ABCG4: variants seen among roughly 807,000 people sequenced by gnomAD.
The protein encoded by ABCG4 is ATP-binding cassette sub-family G member 4.
ABCG4 carries 35 observed loss-of-function variants against 64.6 expected under a neutral mutation model. The observed-to-expected ratio is 0.54, with a 90% CI of 0.41 to 0.72. ABCG4 has a LOEUF of 0.72. Ranked by LOEUF, ABCG4 falls within the 30% of genes least tolerant of loss-of-function variation. ABCG4 has a pLI of 0.00. For missense variants in ABCG4, 610 were observed against 846.3 expected (o/e 0.72, Z 3.46); for synonymous variants, 326 against 348.2 (o/e 0.94, Z 0.71).
In ABCG4 at chr11:119,158,349, G is replaced by C. The variant is rs1953358372; in HGVS notation, c.1167+17G>C. 1.2e-6 allele frequency: 2 copies of C among 1,612,740 alleles called. No homozygotes were observed. The highest frequency in any genetic ancestry group is 1.7e-6 in the Non-Finnish European group (2 of 1,178,926). On this transcript the variant is annotated intron_variant, in intron 10 of 14. Transcript: ENST00000619701. The surrounding 1 kb of genome is among the most constrained non-coding windows in gnomAD (Gnocchi z 4.5). The stretch of plus-strand genomic sequence containing the variant: ...AGGGACACGGTGAGGCGTCAGGCTG[G>C]GGGAGAGGAGGCTGGCACAGGCCTG...
chr11:119,160,625 C>T lies in ABCG4; in HGVS notation c.1684C>T (p.Leu562=). ...CAGCTTCAAGACCATCCCCACTTAC[C>T]TGCAATGGAGCTCCTATCTCTCCTA... ...FVSFKTIPTY[L]QWSSYLSYVR... The change falls in exon 14 of 15, where the codon CTG becomes TTG. Residue 562 remains leucine (L), a synonymous_variant. Coordinates refer to ENST00000619701, the MANE Select transcript of ABCG4 (RefSeq NM_022169.5). This position sits in a 1 kb window ranked among gnomAD's most constrained non-coding sequence, Gnocchi z 4.6. 1 of 1,613,732 alleles carries T rather than the reference C, an allele frequency of 6.2e-7. No homozygotes were observed. Among genetic ancestry groups the T allele is most frequent in the East Asian group, 2.2e-5 (1 of 44,880 alleles).
chr11:119,150,238 CCT>C lies in ABCG4; in HGVS notation c.238+40_238+41del, dbSNP rs1369115398. The C allele has an allele frequency of 6.3e-7, 1 of 1,597,196 alleles. No individual in the cohort carries two copies. Among genetic ancestry groups the C allele is most frequent in the Non-Finnish European group, 8.6e-7 (1 of 1,169,104 alleles). On this transcript the variant is annotated intron_variant, in intron 2 of 14. Coordinates refer to ENST00000619701, the MANE Select transcript of ABCG4 (RefSeq NM_022169.5). This position sits in a 1 kb window ranked among gnomAD's most constrained non-coding sequence, Gnocchi z 4.3. ...AGCCTGGTAGGGGGAGTCCGTGGGCCCTCTCTGAGTTGCCTCTCCAGAAGCAT... is the reference window on the plus strand; with the variant it reads ...AGCCTGGTAGGGGGAGTCCGTGGGCCCTCTGAGTTGCCTCTCCAGAAGCAT...
Position 119,154,638 on chromosome 11 carries a change from C to A in ABCG4, c.540+63C>A, listed in dbSNP as rs542474570. On this transcript the variant is annotated intron_variant, in intron 5 of 14. Transcript: ENST00000619701. This position sits in a 1 kb window ranked among gnomAD's most constrained non-coding sequence, Gnocchi z 7.0. ...TGTGGTGCTGCTGAGCTCAAGGCCCCGAGCTGGGAGTGGGAGAGTGGTGGC... is the reference window on the plus strand; with the variant it reads ...TGTGGTGCTGCTGAGCTCAAGGCCCAGAGCTGGGAGTGGGAGAGTGGTGGC... 2 of 1,602,044 alleles carry A rather than the reference C, an allele frequency of 1.2e-6. No homozygotes were observed. Among genetic ancestry groups the A allele is most frequent in the Non-Finnish European group, 1.7e-6 (2 of 1,174,472 alleles).
In ABCG4 at chr11:119,149,703, G is replaced by A. The variant is rs1254012319; in HGVS notation, c.-12-251G>A. On this transcript the variant is annotated intron_variant, in intron 1 of 14. Coordinates refer to ENST00000619701, the MANE Select transcript of ABCG4 (RefSeq NM_022169.5). This position sits in a 1 kb window ranked among gnomAD's most constrained non-coding sequence, Gnocchi z 8.3. The stretch of plus-strand genomic sequence containing the variant: ...TGGCCTGCGGGGTAAGGAGATTAGA[G>A]AAGCCGCCGGGAGGAAGGAGCGATT... 4 of 570,748 alleles carry A rather than the reference G, an allele frequency of 7.0e-6. No individual in the cohort carries two copies. The highest frequency in any genetic ancestry group is 1.2e-5 in the Non-Finnish European group (4 of 327,018). The allele number at this position is 570,748 out of a possible 1,614,324, so 35.4% of individuals were successfully genotyped here.
In ABCG4 at chr11:119,160,079, T is replaced by C; in HGVS notation, c.1438-148T>C. The C allele has an allele frequency of 1.2e-6, 1 of 808,428 alleles. No homozygotes were observed. 50.1% of individuals were successfully genotyped at this position (808,428 alleles called of 1,614,324 possible). On this transcript the variant is annotated intron_variant, in intron 12 of 14. Coordinates refer to ENST00000619701, the MANE Select transcript of ABCG4 (RefSeq NM_022169.5). This position sits in a 1 kb window ranked among gnomAD's most constrained non-coding sequence, Gnocchi z 4.6. Reference sequence around the variant, plus strand: ...CAGGGAGGAAGGGGACGTGTGTCAATCTGGGGGACAGCTTGAACAAGAATG... The same window carrying C: ...CAGGGAGGAAGGGGACGTGTGTCAACCTGGGGGACAGCTTGAACAAGAATG...
In ABCG4 at chr11:119,160,335, G is replaced by A; in HGVS notation, c.1546G>A (p.Val516Met). The A allele has an allele frequency of 6.2e-7, 1 of 1,613,596 alleles. No individual in the cohort carries two copies. Among genetic ancestry groups the A allele is most frequent in the Non-Finnish European group, 8.5e-7 (1 of 1,179,598 alleles). The change falls in exon 13 of 15, where the codon GTG (valine) becomes ATG (methionine). Residue 516 changes from valine to methionine, a missense_variant. Transcript: ENST00000619701. The surrounding 1 kb of genome is among the most constrained non-coding windows in gnomAD (Gnocchi z 4.6). ...AGCCCTGGCCACCGCCACCGCCTTG[G>A]TGGCCCAATCTTTGGGGCTGCTGAT... ...FSALATATAL[V>M]AQSLGLLIGA...
At position 119,158,587 on chromosome 11, in the gene ABCG4, G is replaced by A. The variant is rs759324902; in HGVS notation, c.1198G>A (p.Val400Met). Residue 400 changes from valine (V) to methionine (M), a missense_variant, in exon 11 of 15, where the codon GTG becomes ATG. Val to Met is a conservative substitution (Grantham distance 21, BLOSUM62 1). Coordinates refer to ENST00000619701, the MANE Select transcript of ABCG4 (RefSeq NM_022169.5). The surrounding 1 kb of genome is among the most constrained non-coding windows in gnomAD (Gnocchi z 4.5). ...VLTHLRFMSH[V>M]VIGVLIGLLY... ...GACCCACCTACGGTTCATGTCCCAC[G>A]TGGTTATTGGCGTGCTCATCGGCCT... 31 of 1,614,066 alleles carry A rather than the reference G, an allele frequency of 1.9e-5. No individual in the cohort carries two copies. In the Admixed American group the frequency reaches 3.2e-4, roughly 16 times the overall value.
intron 2 of ABCG4, among the ~76,000 whole-genome samples, chr11:119,151,078 G>C (rs1346263863): frequency 1.3e-5 from 2 of 152,196 alleles, no homozygotes; most frequent in Non-Finnish European, 2.9e-5. Context: ...ACTCCCATGA[G>C]TGACCAAAAG....
chr11:119,153,791 T>C, intron 2 of ABCG4: 1 of 522,866 alleles, frequency 1.9e-6, no homozygotes, highest in Non-Finnish European at 3.5e-6. Context: ...TCCCACGCCT[T>C]TCAGAAGAGG....
chr11:119,160,229 G>A lies in ABCG4; in HGVS notation c.1440G>A (p.Val480=). ...AKTMADVPFQ[V]VCPVVYCSIV... ...TCCAGCCCGTGCCCACTCCCCAGGT[G>A]GTGTGTCCGGTGGTCTACTGCAGCA... The change falls in exon 13 of 15, where the codon GTG becomes GTA. Residue 480 remains valine, a splice_region_variant and synonymous_variant. Coordinates refer to ENST00000619701, the MANE Select transcript of ABCG4 (RefSeq NM_022169.5). This position sits in a 1 kb window ranked among gnomAD's most constrained non-coding sequence, Gnocchi z 4.6. The A allele has an allele frequency of 6.2e-7, 1 of 1,606,978 alleles. No individual in the cohort carries two copies. The highest frequency in any genetic ancestry group is 1.7e-5 in the Admixed American group (1 of 59,850).
At position 119,161,388 on chromosome 11, in the gene ABCG4, A is replaced by G; in HGVS notation, c.*282A>G. The G allele has an allele frequency of 2.9e-6, 1 of 341,280 alleles. No homozygotes were observed. The highest frequency in any genetic ancestry group is 5.4e-6 in the Non-Finnish European group (1 of 184,022). The allele number at this position is 341,280 out of a possible 1,614,324, so 21.1% of individuals were successfully genotyped here. A position where few individuals can be genotyped will look rare whatever the true frequency, so the allele number is the denominator to read the frequency against. ...ACACCTGCATGCAAAGACTACTGGG[A>G]GGCTGCTGCCTCCTTCCTGCCCATG... On this transcript the variant is annotated 3_prime_UTR_variant, in exon 15 of 15. Coordinates refer to ENST00000619701, the MANE Select transcript of ABCG4 (RefSeq NM_022169.5).
Position 119,149,578 on chromosome 11 carries a change from G to T in ABCG4, c.-13+215G>T, listed in dbSNP as rs115042757. 7.8e-3 allele frequency: 1,729 copies of T among 221,234 alleles called. 28 individuals are homozygous for T. The highest frequency in any genetic ancestry group is 0.036 in the African/African-American group (1,589 of 44,254). The allele number at this position is 221,234 out of a possible 1,614,324, so 13.7% of individuals were successfully genotyped here. On this transcript the variant is annotated intron_variant, in intron 1 of 14. Transcript: ENST00000619701. The surrounding 1 kb of genome is among the most constrained non-coding windows in gnomAD (Gnocchi z 8.3). ...CCTCCTCTCCGCCTTCCCCTGGTCCGCCCTGCACTCACCCTGCTACCCCGA... is the reference window on the plus strand; with the variant it reads ...CCTCCTCTCCGCCTTCCCCTGGTCCTCCCTGCACTCACCCTGCTACCCCGA...
rs138994881 is a variant in ABCG4, at chr11:119,160,016, C to G, written c.1438-211C>G. On this transcript the variant is annotated intron_variant, in intron 12 of 14. Transcript: ENST00000619701. This position sits in a 1 kb window ranked among gnomAD's most constrained non-coding sequence, Gnocchi z 4.6. ...CCTGAAGCAGTCAGGGTGGACCAAA[C>G]GGAAGACGTGAGACGAGATAAGTGA... is the stretch of plus-strand genomic sequence containing the variant. 6.6e-6 allele frequency among the ~76,000 whole-genome samples: 1 copy of G among 151,786 alleles called. No homozygotes were observed. Among genetic ancestry groups the G allele is most frequent in the African/African-American group, 2.4e-5 (1 of 41,280 alleles).
In ABCG4 at chr11:119,155,400, C is replaced by A. The variant is rs1306938989; in HGVS notation, c.686+485C>A. Among the ~76,000 whole-genome samples, 1 of 152,188 alleles carries A rather than the reference C, an allele frequency of 6.6e-6. No individual in the cohort carries two copies. The highest frequency in any genetic ancestry group is 2.4e-5 in the African/African-American group (1 of 41,444). Reference sequence around the variant, plus strand: ...GCAGTGGCACAATCTCGGCTCACTGCAACCTCTGACTCCCGGGTTCAAGCG... The same window carrying A: ...GCAGTGGCACAATCTCGGCTCACTGAAACCTCTGACTCCCGGGTTCAAGCG... On this transcript the variant is annotated intron_variant, in intron 6 of 14. Coordinates refer to ENST00000619701, the MANE Select transcript of ABCG4 (RefSeq NM_022169.5). This position sits in a 1 kb window ranked among gnomAD's most constrained non-coding sequence, Gnocchi z 4.5.
Position 119,149,903 on chromosome 11 carries a change from T to TG in ABCG4, c.-12-50dup. 6.4e-7 allele frequency: 1 copy of TG among 1,553,864 alleles called. No homozygotes were observed. The highest frequency in any genetic ancestry group is 2.3e-5 in the East Asian group (1 of 43,940). On this transcript the variant is annotated intron_variant, in intron 1 of 14. Transcript: ENST00000619701. The surrounding 1 kb of genome is among the most constrained non-coding windows in gnomAD (Gnocchi z 8.3). ...GAAGCATTAGAACGCCAGGGAGCTT[T>TG]GAGCCGGGCTCGGTGGTCTGCCCCA...
At position 119,156,613 on chromosome 11, in the gene ABCG4, A is replaced by G. The variant is rs1358661552; in HGVS notation, c.860A>G (p.Asn287Ser). ...TGCATCTTCAAAGGCGTGGTCACCA[A>G]CCTGATCCCCTATCTAAAGGGACTC... is the stretch of plus-strand genomic sequence containing the variant. ...GQCIFKGVVT[N>S]LIPYLKGLGL... The change falls in exon 8 of 15, where the codon AAC becomes AGC. Residue 287 changes from asparagine (N) to serine (S), a missense_variant. Transcript: ENST00000619701. This position sits in a 1 kb window ranked among gnomAD's most constrained non-coding sequence, Gnocchi z 5.5. 8 of 1,614,144 alleles carry G rather than the reference A, an allele frequency of 5.0e-6. No homozygotes were observed. The highest frequency in any genetic ancestry group is 2.5e-6 in the Non-Finnish European group (3 of 1,180,012).
chr11:119,150,003 T>C lies in ABCG4; in HGVS notation c.38T>C (p.Leu13Pro). The C allele has an allele frequency of 6.2e-7, 1 of 1,610,768 alleles. No homozygotes were observed. The highest frequency in any genetic ancestry group is 8.5e-7 in the Non-Finnish European group (1 of 1,179,752). Reference protein sequence around the residue: ...EKALEAVGCGLGPGAVAMAVT... With the variant: ...EKALEAVGCGPGPGAVAMAVT... ...GCGCTGGAGGCCGTGGGCTGTGGAC[T>C]AGGGCCGGGGGCTGTGGCCATGGCC... The change falls in exon 2 of 15, where the codon CTA becomes CCA. Residue 13 changes from leucine to proline, a missense_variant. Physicochemically the swap from Leu to Pro is moderately conservative, Grantham distance 98. Coordinates refer to ENST00000619701, the MANE Select transcript of ABCG4 (RefSeq NM_022169.5). This position sits in a 1 kb window ranked among gnomAD's most constrained non-coding sequence, Gnocchi z 4.3.
Position 119,156,988 on chromosome 11 carries a change from C to T in ABCG4, c.1042C>T (p.Pro348Ser). 4 of 1,612,248 alleles carry T rather than the reference C, an allele frequency of 2.5e-6. No individual in the cohort carries two copies. Among genetic ancestry groups the T allele is most frequent in the Non-Finnish European group, 3.4e-6 (4 of 1,179,152 alleles). Residue 348 changes from proline to serine, a missense_variant, in exon 9 of 15, where the codon CCT becomes TCT. By Grantham distance (74) the Pro-to-Ser change is moderately conservative (BLOSUM62 -1). Coordinates refer to ENST00000619701, the MANE Select transcript of ABCG4 (RefSeq NM_022169.5). The surrounding 1 kb of genome is among the most constrained non-coding windows in gnomAD (Gnocchi z 5.5). Reference sequence around the variant, plus strand: ...GAGCAGCCCTGAGAAGAACGAGGTCCCTGCCCCATGCCCTCCTTGTCCTCC... The same window carrying T: ...GAGCAGCCCTGAGAAGAACGAGGTCTCTGCCCCATGCCCTCCTTGTCCTCC... ...KKSSPEKNEV[P>S]APCPPCPPEV...
At chr11:119,153,182 A>G (rs1948214179) in intron 2 of ABCG4, 1 of 152,478 alleles carries the variant, frequency 6.6e-6, no homozygotes. Flanking sequence ...TGAGATAGGT[A>G]CTATCATCCT....
Sources: allele counts gnomAD v4.1 joint callset (sites outside exome capture counted in the v4.1 genomes callset), GRCh38; gene constraint gnomAD v4.1.1; non-coding constraint Gnocchi (gnomAD v3.1); transcripts MANE v1.5; gene names NCBI Gene and HGNC (gene_info 2026-07-23, HGNC 2026-07-21).